Variants in CHL1 observed in about 807,000 individuals in gnomAD.
CHL1 encodes cell adhesion molecule L1 like, also known as neural cell adhesion molecule L1-like protein.
A neutral mutation model predicts 141.9 loss-of-function variants in CHL1; 96 were observed. That is an observed-to-expected ratio of 0.68 (90% CI 0.57 to 0.80). The LOEUF (loss-of-function observed/expected upper bound fraction) is 0.80, where lower values mean the gene tolerates loss of function less well. Among genes scored for constraint, CHL1 ranks in the 30% least tolerant of loss-of-function variants. The pLI is 0.00. For missense variants in CHL1, 1,820 were observed against 1,457.2 expected (o/e 1.25, Z -4.05); for synonymous variants, 613 against 502.2 (o/e 1.22, Z -2.95).
chr3:330,871 A>G (rs1342441640), intron 5 of CHL1, among the ~76,000 whole-genome samples: 1 of 152,178 alleles, frequency 6.6e-6, no homozygotes, highest in Non-Finnish European at 1.5e-5. Flanking sequence ...GCAGGGTTAC[A>G]CAAATCAGAA....
At chr3:344,843 C>T (rs921084765) in intron 9 of CHL1, 134 bp downstream of exon 9, 5 of 835,500 alleles carry the variant, frequency 6.0e-6, no homozygotes, top group Non-Finnish European at 9.0e-6. Context: ...CTGCCGGGCA[C>T]TGCAGATATT....
intron 19 of CHL1, chr3:385,878 C>T (rs1707649427): frequency 6.7e-6 from 1 of 148,302 alleles, no homozygotes; most frequent in African/African-American, 2.5e-5. Context: ...GAGCAAACGA[C>T]ATGTCATTTA....
chr3:232,185 T>C (rs1701924917), intron 1 of CHL1, among the ~76,000 whole-genome samples: 1 of 152,168 alleles, frequency 6.6e-6, no homozygotes, highest in Admixed American at 6.6e-5. Flanking sequence ...CACCGGAGAA[T>C]CATGATCTCA....
chr3:298,151 G>A (rs999890186), intron 2 of CHL1, among the ~76,000 whole-genome samples: 2 of 152,086 alleles, frequency 1.3e-5, no homozygotes, highest in African/African-American at 2.4e-5. Flanking sequence ...TATATCCAAC[G>A]AGATCTCTCT....
At chr3:379,845 T>A (rs1274929653) in intron 16 of CHL1, among the ~76,000 whole-genome samples, 1 of 152,096 alleles carries the variant, frequency 6.6e-6, no homozygotes, top group African/African-American at 2.4e-5. Flanking sequence ...TACCAAAGCA[T>A]CTCTCGACAA....
At chr3:223,032 A>G (rs1700996069) in intron 1 of CHL1, among the ~76,000 whole-genome samples, 1 of 152,172 alleles carries the variant, frequency 6.6e-6, no homozygotes, top group South Asian at 2.1e-4. Flanking sequence ...GCCCACCCAC[A>G]TAATCCAGGA....
At chr3:372,876 A>T (rs1464895916) in intron 15 of CHL1, among the ~76,000 whole-genome samples, 1 of 148,462 alleles carries the variant, frequency 6.7e-6, no homozygotes, top group Non-Finnish European at 1.5e-5. Context: ...GGGCTGCTGC[A>T]GTTTGCTGGG....
chr3:349,565 A>G (rs749511679), intron 10 of CHL1, 22 bp downstream of exon 10: 21 of 1,592,866 alleles, frequency 1.3e-5, no homozygotes, highest in Middle Eastern at 3.4e-4. Flanking sequence ...ATGTTGGTCT[A>G]TTTCTCTGCT....
At chr3:210,421 TG>T (rs1191486272) in intron 1 of CHL1, among the ~76,000 whole-genome samples, 2 of 152,202 alleles carry the variant, frequency 1.3e-5, no homozygotes, top group Admixed American at 6.5e-5. Context: ...TGGGGTGGGC[TG>T]GTGGCCCCAG....
chr3:295,242 A>G (rs1385460903), intron 2 of CHL1, among the ~76,000 whole-genome samples: 1 of 152,184 alleles, frequency 6.6e-6, no homozygotes, highest in Non-Finnish European at 1.5e-5. Flanking sequence ...ATAAAAGGCA[A>G]AATTATTTTC....
At chr3:203,028 T>C (rs973839009) in intron 1 of CHL1, among the ~76,000 whole-genome samples, 11 of 152,246 alleles carry the variant, frequency 7.2e-5, no homozygotes, top group Non-Finnish European at 1.5e-4. Context: ...GCCTGCAGAC[T>C]TCCAATGAGG....
At position 328,284 on chromosome 3, in the gene CHL1, G is replaced by C. The variant is rs1223197726; in HGVS notation, c.315G>C (p.Gly105=). ...PNEGHISHFQ[G]KYRCFASNKL... Reference sequence around the variant, plus strand: ...AGGGGCACATATCTCACTTTCAAGGGAAATACCGCTGCTTTGCTTCAAATA... The same window carrying C: ...AGGGGCACATATCTCACTTTCAAGGCAAATACCGCTGCTTTGCTTCAAATA... Residue 105 remains glycine, a synonymous_variant, in exon 5 of 28, where the codon GGG becomes GGC. Transcript: ENST00000256509. 6.2e-7 allele frequency: 1 copy of C among 1,612,514 alleles called. No individual in the cohort carries two copies. Among genetic ancestry groups the C allele is most frequent in the East Asian group, 2.2e-5 (1 of 44,780 alleles).
At chr3:210,219 G>T (rs1163235071) in intron 1 of CHL1, among the ~76,000 whole-genome samples, 1 of 152,184 alleles carries the variant, frequency 6.6e-6, no homozygotes, top group Admixed American at 6.5e-5. Context: ...AAAATGTGAA[G>T]GCACATTTTT....
At chr3:239,778 C>T (rs1692376871) in intron 1 of CHL1, among the ~76,000 whole-genome samples, 1 of 151,880 alleles carries the variant, frequency 6.6e-6, no homozygotes, top group African/African-American at 2.4e-5. Flanking sequence ...CCCCAAGTCC[C>T]CAAAGTCATT....
intron 2 of CHL1, among the ~76,000 whole-genome samples, chr3:307,501 A>G (rs1699346989): frequency 6.6e-6 from 1 of 152,220 alleles, no homozygotes; most frequent in African/African-American, 2.4e-5. Flanking sequence ...GTCATAGGAA[A>G]AAACACTCAT....
At chr3:274,382 G>A (rs1303085733) in intron 2 of CHL1, among the ~76,000 whole-genome samples, 1 of 152,182 alleles carries the variant, frequency 6.6e-6, no homozygotes, top group African/African-American at 2.4e-5. Context: ...TAATAGGAAT[G>A]TGTTTGCCTA....
intron 1 of CHL1, among the ~76,000 whole-genome samples, chr3:226,506 A>T (rs1470627765): frequency 2.0e-5 from 3 of 150,900 alleles, no homozygotes; most frequent in Non-Finnish European, 2.9e-5. Context: ...CAATGGCGTG[A>T]TCTGGGGTCA....
intron 20 of CHL1, 56 bp from the exon 21 acceptor site, chr3:390,645 C>A: frequency 9.6e-7 from 1 of 1,040,440 alleles, no homozygotes; most frequent in Non-Finnish European, 1.5e-6. Context: ...TGAAAAGGAT[C>A]CTAACAATCA....
rs763341180 is a variant in CHL1, at chr3:391,687, C to T, written c.2804C>T (p.Pro935Leu). The change falls in exon 23 of 28, where the codon CCA (proline) becomes CTA (leucine). Residue 935 changes from proline to leucine, a missense_variant. By Grantham distance (98) the Pro-to-Leu change is moderately conservative. Transcript: ENST00000256509. ...TTGTGTTTTCTAGTACCTGAACAGC[C>T]AACTTTTCTAAAGGTCATCAAAGTT... The part of the protein sequence containing the change: ...FQTPEGVPEQ[P>L]TFLKVIKVDK... 3.7e-6 allele frequency: 6 copies of T among 1,602,682 alleles called. No homozygotes were observed. The highest frequency in any genetic ancestry group is 5.1e-6 in the Non-Finnish European group (6 of 1,175,154).
Sources: gnomAD v4.1 joint callset for allele counts (sites outside exome capture counted in the v4.1 genomes callset) on GRCh38, gnomAD v4.1.1 for gene constraint, MANE v1.5 for transcripts, NCBI Gene and HGNC (gene_info 2026-07-23, HGNC 2026-07-21) for gene names.